SH3RF2: variants seen among roughly 807,000 people sequenced by gnomAD.
The protein encoded by SH3RF2 is E3 ubiquitin-protein ligase SH3RF2.
SH3RF2 carries 43 observed loss-of-function variants against 59.0 expected under a neutral mutation model. The observed-to-expected ratio is 0.73, with a 90% CI of 0.57 to 0.94. The LOEUF is 0.94. SH3RF2 is among the 40% of genes least tolerant of loss of function. SH3RF2 has a pLI of 0.00. For synonymous variants in SH3RF2, 391 were observed against 391.5 expected, an observed-to-expected ratio of 1.00 and a Z score of 0.01; for missense variants, 930 against 940.1, an observed-to-expected ratio of 0.99 and a Z score of 0.14.
chr5:146,049,083 C>T lies in SH3RF2; in HGVS notation c.1160C>T (p.Ala387Val). 3 of 1,614,156 alleles carry T rather than the reference C, an allele frequency of 1.9e-6. No homozygotes were observed. The highest frequency in any genetic ancestry group is 2.5e-6 in the Non-Finnish European group (3 of 1,180,030). Residue 387 changes from alanine (A) to valine (V), a missense_variant, in exon 7 of 10, where the codon GCC becomes GTC. Transcript: ENST00000359120. ...QQHLSANMFV[A>V]LHSYSAHGPD... The stretch of plus-strand genomic sequence containing the variant: ...TCTCTGTGTCTTCCCAGGTTTGTAG[C>T]CCTGCACTCCTACTCAGCCCATGGA...
intron 7 of SH3RF2, among the ~76,000 whole-genome samples, chr5:146,049,582 C>G (rs1055478500): frequency 6.6e-6 from 1 of 151,876 alleles, no homozygotes; most frequent in Non-Finnish European, 1.5e-5. Context: ...TGCACAAATC[C>G]CAGGAACCCC....
intron 4 of SH3RF2, among the ~76,000 whole-genome samples, chr5:146,012,154 G>T (rs1047752553): frequency 2.6e-5 from 4 of 152,196 alleles, no homozygotes; most frequent in South Asian, 2.1e-4. Flanking sequence ...GGTTTTTGTC[G>T]CTGGTTCTGT....
chr5:145,953,975 T>C (rs189728889), intron 2 of SH3RF2, among the ~76,000 whole-genome samples: 1 of 152,360 alleles, frequency 6.6e-6, no homozygotes, highest in African/African-American at 2.4e-5. Flanking sequence ...GCATTTAGAT[T>C]GATTCTATGC....
chr5:145,942,839 A>G (rs1462469017), intron 2 of SH3RF2, among the ~76,000 whole-genome samples: 1 of 152,144 alleles, frequency 6.6e-6, no homozygotes, highest in East Asian at 1.9e-4. Flanking sequence ...CCTCTTTTCT[A>G]GTTAGTCTCC....
intron 2 of SH3RF2, among the ~76,000 whole-genome samples, chr5:145,994,510 G>C (rs547773639): frequency 6.6e-6 from 1 of 152,354 alleles, no homozygotes; most frequent in Admixed American, 6.5e-5. Context: ...GGAGGCCTCA[G>C]AATCATGGCA....
intron 2 of SH3RF2, among the ~76,000 whole-genome samples, chr5:145,939,092 C>A (rs1278996938): frequency 2.0e-5 from 3 of 152,212 alleles, no homozygotes; most frequent in Admixed American, 1.3e-4. Flanking sequence ...ACCCCGAGGA[C>A]TTTATCTGAC....
At chr5:145,973,165 A>G (rs1759153201) in intron 2 of SH3RF2, among the ~76,000 whole-genome samples, 1 of 152,262 alleles carries the variant, frequency 6.6e-6, no homozygotes, top group African/African-American at 2.4e-5. Flanking sequence ...AAGTGGTTTC[A>G]GAGCAGAGGA....
chr5:146,038,308 C>G (rs560047303), intron 5 of SH3RF2, among the ~76,000 whole-genome samples: 6 of 152,326 alleles, frequency 3.9e-5, no homozygotes, highest in African/African-American at 1.4e-4. Flanking sequence ...CTGCTCAACA[C>G]TGTCCCAGAG....
chr5:145,996,899 G>A (rs6876582), intron 2 of SH3RF2, among the ~76,000 whole-genome samples: 106,604 of 152,116 alleles, frequency 0.7, 39,145 homozygotes, highest in African/African-American at 0.93. Context: ...AAATGGGGAT[G>A]ATGCGTGTCT....
intron 7 of SH3RF2, among the ~76,000 whole-genome samples, chr5:146,051,720 T>G (rs1242238436): frequency 6.6e-6 from 1 of 152,154 alleles, no homozygotes; most frequent in Non-Finnish European, 1.5e-5. Flanking sequence ...GAGATGTCTC[T>G]TAATAATCCA....
intron 5 of SH3RF2, among the ~76,000 whole-genome samples, chr5:146,026,107 C>T (rs1051042035): frequency 1.3e-5 from 2 of 152,180 alleles, no homozygotes; most frequent in Non-Finnish European, 2.9e-5. Flanking sequence ...TATAGTTTTT[C>T]ACAACTACTA....
chr5:145,947,631 A>G (rs1304055855), intron 2 of SH3RF2, among the ~76,000 whole-genome samples: 1 of 152,192 alleles, frequency 6.6e-6, no homozygotes, highest in Non-Finnish European at 1.5e-5. Context: ...AAATCATGGC[A>G]TCACTTGGAG....
chr5:146,035,561 AG>A (rs1761909873), intron 5 of SH3RF2, among the ~76,000 whole-genome samples: 4 of 152,288 alleles, frequency 2.6e-5, no homozygotes, highest in Admixed American at 2.6e-4. Context: ...ACCCATACCC[AG>A]GGACATCTGA....
intron 8 of SH3RF2, among the ~76,000 whole-genome samples, chr5:146,056,997 C>T (rs1484490870): frequency 6.6e-6 from 1 of 152,152 alleles, no homozygotes; most frequent in African/African-American, 2.4e-5. Flanking sequence ...AATTCTTCTA[C>T]AAAAATCAAG....
At chr5:146,057,421 C>A (rs1303318523) in intron 8 of SH3RF2, among the ~76,000 whole-genome samples, 1 of 152,206 alleles carries the variant, frequency 6.6e-6, no homozygotes, top group Non-Finnish European at 1.5e-5. Flanking sequence ...TGACTAATTT[C>A]TTCTGCCTTC....
At chr5:146,026,847 G>A (rs1761546613) in intron 5 of SH3RF2, among the ~76,000 whole-genome samples, 1 of 152,164 alleles carries the variant, frequency 6.6e-6, no homozygotes, top group Non-Finnish European at 1.5e-5. Flanking sequence ...GACTAATGAT[G>A]GTAATTTTCA....
chr5:146,008,591 C>T (rs1760743206), intron 4 of SH3RF2, among the ~76,000 whole-genome samples: 1 of 152,112 alleles, frequency 6.6e-6, no homozygotes, highest in African/African-American at 2.4e-5. Context: ...TATTTCTGTT[C>T]TGGCACTTCG....
chr5:146,000,255 C>T lies in SH3RF2; in HGVS notation c.576C>T (p.Cys192=). 6.2e-7 allele frequency: 1 copy of T among 1,613,976 alleles called. No homozygotes were observed. Among genetic ancestry groups the T allele is most frequent in the Non-Finnish European group, 8.5e-7 (1 of 1,179,970 alleles). Reference sequence around the variant, plus strand: ...AGCTGCCCCAGCCGCCCCCGCTCTGCAGGGCCCTCTACAACTTCGACCTAC... The same window carrying T: ...AGCTGCCCCAGCCGCCCCCGCTCTGTAGGGCCCTCTACAACTTCGACCTAC... ...IKQLPQPPPL[C]RALYNFDLRG... Residue 192 remains cysteine, a synonymous_variant, in exon 3 of 10, where the codon TGC becomes TGT. Coordinates refer to ENST00000359120, the MANE Select transcript of SH3RF2 (RefSeq NM_152550.4).
intron 3 of SH3RF2, among the ~76,000 whole-genome samples, chr5:146,001,753 T>C (rs1200342682): frequency 1.3e-5 from 2 of 152,200 alleles, no homozygotes; most frequent in South Asian, 2.1e-4. Context: ...AAGTGATGAG[T>C]CATTGTTCTT....
Sources: allele counts gnomAD v4.1 joint callset (sites outside exome capture counted in the v4.1 genomes callset), GRCh38; gene constraint gnomAD v4.1.1; transcripts MANE v1.5; gene names NCBI Gene and HGNC (gene_info 2026-07-23, HGNC 2026-07-21).